The following PCDHGB6 variants were observed in gnomAD, a reference collection of about 807,000 sequenced individuals.
PCDHGB6 encodes the protein protocadherin gamma subfamily B, 6.
A neutral mutation model predicts 59.1 loss-of-function variants in PCDHGB6; 51 were observed. The ratio of observed to expected loss-of-function variants is 0.86; its 90% confidence interval spans 0.69 to 1.09. The LOEUF (loss-of-function observed/expected upper bound fraction) is 1.09, where lower values mean the gene tolerates loss of function less well. Among genes scored for constraint, PCDHGB6 ranks in the 50% least tolerant of loss-of-function variants. PCDHGB6 has a pLI of 0.00. For missense variants in PCDHGB6, 1,148 were observed against 1,205.1 expected, an observed-to-expected ratio of 0.95 and a Z score of 0.70; for synonymous variants, 466 against 495.1, an observed-to-expected ratio of 0.94 and a Z score of 0.78.
rs1554116833 is a variant in PCDHGB6, at chr5:141,423,756, G to GGT, written c.2418+13137_2418+13138insTG. 2.2e-4 allele frequency: 100 copies of GGT among 448,536 alleles called. 2 individuals carry two copies. The highest frequency in any genetic ancestry group is 2.1e-3 in the African/African-American group (74 of 35,668). The allele number at this position is 448,536 out of a possible 1,614,324, so 27.8% of individuals were successfully genotyped here. On this transcript the variant is annotated intron_variant, in intron 1 of 3. Coordinates refer to ENST00000520790, the MANE Select transcript of PCDHGB6 (RefSeq NM_018926.3). ...GCCTGTTATGAAAACTGTTTGGGGG[G>GGT]GGGGTGGGGCGGCATATATTTAGTT...
chr5:141,475,343 G>C (rs1425482944), intron 1 of PCDHGB6, among the ~76,000 whole-genome samples: 3 of 152,178 alleles, frequency 2.0e-5, no homozygotes, highest in Non-Finnish European at 2.9e-5. Context: ...ATGACATCCA[G>C]TTTTAAAAGA....
At chr5:141,420,945 G>C in intron 1 of PCDHGB6, 1 of 396,520 alleles carries the variant, frequency 2.5e-6, no homozygotes, top group South Asian at 5.1e-5. Flanking sequence ...ATTTCTTCTG[G>C]AATTTCTTAG....
Position 141,432,427 on chromosome 5 carries a change from C to T in PCDHGB6, c.2418+21807C>T, listed in dbSNP as rs775150918. 2.2e-5 allele frequency: 36 copies of T among 1,614,124 alleles called. No homozygotes were observed. The highest frequency in any genetic ancestry group is 3.1e-5 in the Non-Finnish European group (36 of 1,180,044). ...TGAGCCTGTTCGTGCTGGACCAGAA[C>T]GACAATGCGCCCGAGATCCTGTACC... On this transcript the variant is annotated intron_variant, in intron 1 of 3. Transcript: ENST00000520790. This position sits in a 1 kb window ranked among gnomAD's most constrained non-coding sequence, Gnocchi z 6.0.
intron 1 of PCDHGB6, chr5:141,478,608 G>C (rs751033009): frequency 7.7e-6 from 12 of 1,558,942 alleles, no homozygotes; most frequent in Middle Eastern, 1.7e-4. Context: ...ATCATATTGA[G>C]GAAGGAATGG....
intron 3 of PCDHGB6, among the ~76,000 whole-genome samples, chr5:141,509,808 G>A (rs905531504): frequency 3.9e-5 from 6 of 152,028 alleles, no homozygotes; most frequent in Non-Finnish European, 7.4e-5. Context: ...TCATAGAGCC[G>A]AGCTCTTCTC....
At chr5:141,423,567 C>T (rs771827702) in intron 1 of PCDHGB6, 4 of 1,613,602 alleles carry the variant, frequency 2.5e-6, no homozygotes, top group Admixed American at 1.7e-5. Flanking sequence ...GGGACACGCT[C>T]ATCAGCCAGG....
intron 1 of PCDHGB6, chr5:141,478,693 G>A: frequency 6.4e-7 from 1 of 1,550,764 alleles, no homozygotes; most frequent in Non-Finnish European, 8.7e-7. Context: ...CTAGATCAAA[G>A]TTAGTGCCTT....
chr5:141,499,418 A>G (rs143234735), intron 2 of PCDHGB6, among the ~76,000 whole-genome samples: 1 of 152,296 alleles, frequency 6.6e-6, no homozygotes, highest in East Asian at 1.9e-4. Context: ...GAAACATGAA[A>G]AATAGAAAAA....
At chr5:141,414,788 C>T in intron 1 of PCDHGB6, 1 of 1,614,222 alleles carries the variant, frequency 6.2e-7, no homozygotes, top group Non-Finnish European at 8.5e-7. Flanking sequence ...CAGGTGACAG[C>T]CAGCGACAGC....
intron 1 of PCDHGB6, among the ~76,000 whole-genome samples, chr5:141,449,061 A>G (rs1280366583): frequency 1.3e-5 from 2 of 152,190 alleles, no homozygotes; most frequent in Non-Finnish European, 2.9e-5. Context: ...AATGAGCGCT[A>G]TTGAATAGCC....
At chr5:141,501,290 TACAC>T (rs55762287) in intron 2 of PCDHGB6, among the ~76,000 whole-genome samples, 45,565 of 135,778 alleles carry the variant, frequency 0.34, 7,845 homozygotes, top group Non-Finnish European at 0.42. Flanking sequence ...TATTCCCTTA[TACAC>T]ACACACACAC....
At chr5:141,503,478 C>T (rs1249372985) in intron 2 of PCDHGB6, among the ~76,000 whole-genome samples, 3 of 151,680 alleles carry the variant, frequency 2.0e-5, no homozygotes, top group East Asian at 1.9e-4. Context: ...GTGCACTTGT[C>T]GTCCCAGCTG....
chr5:141,478,851 C>T, intron 1 of PCDHGB6: 1 of 1,374,810 alleles, frequency 7.3e-7, no homozygotes, highest in Non-Finnish European at 9.6e-7. Context: ...AGCTAAAACA[C>T]AAGATCTCAG....
intron 1 of PCDHGB6, chr5:141,418,660 T>C (rs1377720154): frequency 6.2e-7 from 1 of 1,614,024 alleles, no homozygotes; most frequent in Admixed American, 1.7e-5. Context: ...TGAAGGCCAC[T>C]GACCAGGACG....
Position 141,431,975 on chromosome 5 carries a change from A to G in PCDHGB6, c.2418+21355A>G. 1 of 1,614,218 alleles carries G rather than the reference A, an allele frequency of 6.2e-7. No individual in the cohort carries two copies. Among genetic ancestry groups the G allele is most frequent in the Non-Finnish European group, 8.5e-7 (1 of 1,180,022 alleles). ...TTACGGAAATTACTATAGTTTAGTC[A>G]CAGACATAGTCTTGGATAGGGAACA... On this transcript the variant is annotated intron_variant, in intron 1 of 3. Transcript: ENST00000520790. The surrounding 1 kb of genome is among the most constrained non-coding windows in gnomAD (Gnocchi z 4.8).
At chr5:141,420,474 C>T in intron 1 of PCDHGB6, 1 of 677,328 alleles carries the variant, frequency 1.5e-6, no homozygotes, top group Non-Finnish European at 2.1e-6. Context: ...CATTTTAAAG[C>T]AAACTACATG....
At chr5:141,450,869 G>A (rs1435272731) in intron 1 of PCDHGB6, among the ~76,000 whole-genome samples, 1 of 147,142 alleles carries the variant, frequency 6.8e-6, no homozygotes, top group Admixed American at 6.9e-5. Context: ...CTGTCACCCA[G>A]GCTGGTGTGC....
At chr5:141,463,682 G>A (rs62379195) in intron 1 of PCDHGB6, among the ~76,000 whole-genome samples, 7,165 of 151,926 alleles carry the variant, frequency 0.047, 241 homozygotes, top group Middle Eastern at 0.095. Context: ...GGATGACCTC[G>A]TGATCTGCTC....
At chr5:141,423,033 C>A (rs2096701827) in intron 1 of PCDHGB6, 2 of 1,614,102 alleles carry the variant, frequency 1.2e-6, no homozygotes, top group Non-Finnish European at 1.7e-6. Flanking sequence ...CAGGCCAGAA[C>A]GCCTGGCTGT....
Sources: allele counts gnomAD v4.1 joint callset (sites outside exome capture counted in the v4.1 genomes callset), GRCh38; gene constraint gnomAD v4.1.1; non-coding constraint Gnocchi (gnomAD v3.1); transcripts MANE v1.5; gene names NCBI Gene and HGNC (gene_info 2026-07-23, HGNC 2026-07-21).